SLC25A19: variants seen among roughly 807,000 people sequenced by gnomAD.
SLC25A19 encodes the protein mitochondrial thiamine pyrophosphate carrier.
Under a neutral mutation model 27.9 loss-of-function variants are expected in SLC25A19, and 18 were observed. The ratio of observed to expected loss-of-function variants is 0.64; its 90% CI spans 0.45 to 0.96. The LOEUF is 0.96. Ranked by LOEUF, SLC25A19 falls within the 40% of genes least tolerant of loss-of-function variation. SLC25A19 has a pLI of 0.00. For synonymous variants in SLC25A19, 169 were observed against 167.1 expected, an observed-to-expected ratio of 1.01 and a Z score of -0.09; for missense variants, 371 against 418.3, an observed-to-expected ratio of 0.89 and a Z score of 0.99.
rs1288631506 is a variant in SLC25A19, at chr17:75,273,096, CAG to C, written c.*353_*354del. 2.8e-6 allele frequency: 1 copy of C among 360,366 alleles called. No homozygotes were observed. The highest frequency in any genetic ancestry group is 6.7e-5 in the East Asian group (1 of 14,868). 22.3% of individuals were successfully genotyped at this position (360,366 alleles called of 1,614,324 possible). A position where few individuals can be genotyped will look rare whatever the true frequency, so the allele number is the denominator to read the frequency against. On this transcript the variant is annotated 3_prime_UTR_variant, in exon 8 of 8. Coordinates refer to ENST00000416858, the MANE Select transcript of SLC25A19 (RefSeq NM_001126121.2). ...ACCGCAGCCCTCTGCACTCAAGCAG[CAG>C]CCCCATCCAGACCAGGAGTGTGTTC...
At chr17:75,287,898 C>T (rs2078220161) in intron 2 of SLC25A19, among the ~76,000 whole-genome samples, 1 of 152,192 alleles carries the variant, frequency 6.6e-6, no homozygotes, top group Admixed American at 6.5e-5. Flanking sequence ...AATCCCAGCA[C>T]TTTGGGAGGC....
rs953787404 is a variant in SLC25A19 at position 75,279,612 on chromosome 17, G to C, written c.460-1277C>G. Reference sequence around the variant, plus strand: ...CAGCCCCCACCTCCCAGGTTCAAGCGATTGTCCTGCCTCAGACCCCCGAGT... The same window carrying C: ...CAGCCCCCACCTCCCAGGTTCAAGCCATTGTCCTGCCTCAGACCCCCGAGT... On this transcript the variant is annotated intron_variant, in intron 5 of 7. Transcript: ENST00000416858. 5.5e-4 allele frequency among the ~76,000 whole-genome samples: 83 copies of C among 149,872 alleles called. 4 individuals are homozygous for C. Among genetic ancestry groups the C allele is most frequent in the Non-Finnish European group, 5.9e-5 (4 of 67,786 alleles).
At chr17:75,285,409 A>G (rs566529154) in intron 4 of SLC25A19, among the ~76,000 whole-genome samples, 4 of 152,320 alleles carry the variant, frequency 2.6e-5, no homozygotes, top group Admixed American at 6.5e-5. Flanking sequence ...CACTGAGTCC[A>G]GCCCACGCCT....
intron 5 of SLC25A19, among the ~76,000 whole-genome samples, chr17:75,282,078 T>C (rs1006342847): frequency 4.0e-5 from 6 of 151,652 alleles, no homozygotes; most frequent in Admixed American, 3.9e-4. Context: ...AAGACCAGAC[T>C]GGGCAACATG....
chr17:75,282,289 G>C (rs1414842905), intron 5 of SLC25A19, among the ~76,000 whole-genome samples: 1 of 152,128 alleles, frequency 6.6e-6, no homozygotes, highest in African/African-American at 2.4e-5. Context: ...GGTGGCTCAC[G>C]CCTGTAATCC....
intron 7 of SLC25A19, among the ~76,000 whole-genome samples, chr17:75,275,159 T>G (rs902936051): frequency 2.0e-5 from 3 of 151,688 alleles, no homozygotes; most frequent in Non-Finnish European, 2.9e-5. Flanking sequence ...CAGCTAATTT[T>G]TTAATTTTTA....
intron 6 of SLC25A19, 25 bp downstream of exon 6, chr17:75,278,127 C>G: frequency 6.2e-7 from 1 of 1,611,720 alleles, no homozygotes; most frequent in Non-Finnish European, 8.5e-7. Context: ...TGGGAGGGCT[C>G]CCTCTCGTGT....
chr17:75,273,402 C>T lies in SLC25A19; in HGVS notation c.*49G>A, dbSNP rs1424943839. 1 of 1,586,402 alleles carries T rather than the reference C, an allele frequency of 6.3e-7. No homozygotes were observed. Among genetic ancestry groups the T allele is most frequent in the Non-Finnish European group, 8.6e-7 (1 of 1,165,628 alleles). ...ACCTCTCAGTGGAGACTGAATCTTC[C>T]TTCCTTCAGGAGGCTGCCTCCAGGG... On this transcript the variant is annotated 3_prime_UTR_variant, in exon 8 of 8. Coordinates refer to ENST00000416858, the MANE Select transcript of SLC25A19 (RefSeq NM_001126121.2).
At chr17:75,280,628 C>G (rs529519951) in intron 5 of SLC25A19, among the ~76,000 whole-genome samples, 61 of 150,792 alleles carry the variant, frequency 4.0e-4, no homozygotes, top group African/African-American at 1.5e-3. Flanking sequence ...GCCTGGCCAA[C>G]ATGGCAAAAC....
At chr17:75,273,760 A>ATAATT in intron 7 of SLC25A19, 121 bp from the exon 8 acceptor site, 1 of 855,284 alleles carries the variant, frequency 1.2e-6, no homozygotes, top group Non-Finnish European at 1.9e-6. Flanking sequence ...AAAATAGCAA[A>ATAATT]TTATTTTATT....
chr17:75,286,108 T>C (rs1644353186), intron 4 of SLC25A19, among the ~76,000 whole-genome samples, 196 bp downstream of exon 4: 1 of 152,214 alleles, frequency 6.6e-6, no homozygotes, highest in East Asian at 1.9e-4. Flanking sequence ...TCACACAGGA[T>C]AGACGCAGGG....
At position 75,280,960 on chromosome 17, in the gene SLC25A19, A is replaced by C. The variant is rs557815180; in HGVS notation, c.459+2463T>G. 6.7e-5 allele frequency among the ~76,000 whole-genome samples: 10 copies of C among 149,490 alleles called. No individual in the cohort carries two copies. In the East Asian group the frequency reaches 1.2e-3, roughly 18 times the overall value. ...AAACAAACAACAACCAAAAAAAAAA[A>C]AAAAAACCAGGAGTTCAAGACCAGC... On this transcript the variant is annotated intron_variant, in intron 5 of 7. Coordinates refer to ENST00000416858, the MANE Select transcript of SLC25A19 (RefSeq NM_001126121.2).
intron 5 of SLC25A19, among the ~76,000 whole-genome samples, chr17:75,281,029 A>C (rs894054916): frequency 6.6e-6 from 1 of 151,726 alleles, no homozygotes; most frequent in Non-Finnish European, 1.5e-5. Context: ...TACAAAAAAT[A>C]AAAAAATAAA....
Position 75,286,818 on chromosome 17 carries a change from A to G in SLC25A19, c.-38-16T>C. 6.2e-7 allele frequency: 1 copy of G among 1,611,248 alleles called. No individual in the cohort carries two copies. The highest frequency in any genetic ancestry group is 8.5e-7 in the Non-Finnish European group (1 of 1,178,318). On this transcript the variant is annotated splice_polypyrimidine_tract_variant and intron_variant, in intron 2 of 7. Coordinates refer to ENST00000416858, the MANE Select transcript of SLC25A19 (RefSeq NM_001126121.2). ...CAGTATCAAGCTAAATGCAAGAGAT[A>G]CGGAATAAACACCAGGCAAGTTTCT... is the stretch of plus-strand genomic sequence containing the variant.
At chr17:75,286,169 G>C in intron 4 of SLC25A19, 135 bp downstream of exon 4, 8 of 1,079,642 alleles carry the variant, frequency 7.4e-6, no homozygotes, top group Non-Finnish European at 1.1e-5. Context: ...AGGCTCCCGG[G>C]TGAGGCAGGT....
In SLC25A19 at chr17:75,278,289, TCGCTCCTATA is replaced by T; in HGVS notation, c.496_505del (p.Tyr166LysfsTer14). ...GCCTTTGTAGAAAACCTGGGGGCCT[TCGCTCCTATA>T]CATGGTCCCCACGGCGTGGCGCAGC... is the stretch of plus-strand genomic sequence containing the variant. On this transcript the variant is annotated frameshift_variant, in exon 6 of 8. Transcript: ENST00000416858. LOFTEE classifies it high-confidence loss of function. 6.2e-7 allele frequency: 1 copy of T among 1,614,090 alleles called. No homozygotes were observed. The highest frequency in any genetic ancestry group is 2.2e-5 in the East Asian group (1 of 44,876).
At chr17:75,286,559 G>C (rs540539412) in intron 3 of SLC25A19, 74 bp downstream of exon 3, 2 of 1,613,864 alleles carry the variant, frequency 1.2e-6, no homozygotes, top group Non-Finnish European at 8.5e-7. Context: ...AGAATTCCAA[G>C]TTTTAGGAAC....
At chr17:75,278,440 C>A (rs867291427) in intron 5 of SLC25A19, 105 bp from the exon 6 acceptor site, 2 of 1,254,300 alleles carry the variant, frequency 1.6e-6, no homozygotes, top group Non-Finnish European at 2.3e-6. Context: ...CTACCAGGAG[C>A]GAAACTCCTC....
At chr17:75,285,395 G>A (rs904359203) in intron 4 of SLC25A19, among the ~76,000 whole-genome samples, 1 of 152,230 alleles carries the variant, frequency 6.6e-6, no homozygotes, top group African/African-American at 2.4e-5. Flanking sequence ...TTACAGGTGT[G>A]AGCCACTGAG....
Sources: allele counts gnomAD v4.1 joint callset (sites outside exome capture counted in the v4.1 genomes callset), GRCh38; gene constraint gnomAD v4.1.1; transcripts MANE v1.5; gene names NCBI Gene and HGNC (gene_info 2026-07-23, HGNC 2026-07-21).